The following FAM135B variants were observed in gnomAD, a reference collection of about 807,000 sequenced individuals.
The protein encoded by FAM135B is family with sequence similarity 135 member B, also known as protein FAM135B.
A neutral mutation model predicts 127.7 loss-of-function variants in FAM135B; 43 were observed. That is an observed-to-expected ratio of 0.34 (90% CI 0.26 to 0.43). FAM135B has a LOEUF of 0.43. Among genes scored for constraint, FAM135B ranks in the 20% least tolerant of loss-of-function variants. The probability of loss-of-function intolerance (pLI) is 1.00; values close to 1 mark genes in which losing one functional copy is unlikely to be tolerated. For synonymous variants in FAM135B, 670 were observed against 665.1 expected (o/e 1.01, Z -0.11); for missense variants, 1,558 against 1,725.6 (o/e 0.90, Z 1.72).
chr8:138,171,843 A>G (rs111866631), intron 11 of FAM135B, among the ~76,000 whole-genome samples: 1,782 of 152,234 alleles, frequency 0.012, 25 homozygotes, highest in African/African-American at 0.037. Context: ...GTATGCAGGC[A>G]TGTGGTTACG....
At chr8:138,494,365 G>T (rs1366908502) in intron 1 of FAM135B, among the ~76,000 whole-genome samples, 1 of 152,228 alleles carries the variant, frequency 6.6e-6, no homozygotes, top group Non-Finnish European at 1.5e-5. Flanking sequence ...GTCAGATAGG[G>T]AGAGGCACCT....
chr8:138,342,209 T>C (rs1442536038), intron 2 of FAM135B, among the ~76,000 whole-genome samples: 1 of 152,210 alleles, frequency 6.6e-6, no homozygotes, highest in African/African-American at 2.4e-5. Flanking sequence ...ACCCTTCAGC[T>C]AGAGTGAGAC....
chr8:138,298,663 A>G (rs1193173399), intron 3 of FAM135B, among the ~76,000 whole-genome samples: 1 of 152,214 alleles, frequency 6.6e-6, no homozygotes, highest in Non-Finnish European at 1.5e-5. Context: ...ATACAATAAT[A>G]TAATAGTGAC....
At chr8:138,168,103 C>A (rs2130904935) in intron 11 of FAM135B, 54 bp from the exon 12 acceptor site, 1 of 1,534,972 alleles carries the variant, frequency 6.5e-7, no homozygotes, top group Non-Finnish European at 8.8e-7. Flanking sequence ...GGTTTCCAAA[C>A]CGTTGCCCCC....
At chr8:138,163,079 C>A (rs759222970) in intron 12 of FAM135B, among the ~76,000 whole-genome samples, 3 of 152,196 alleles carry the variant, frequency 2.0e-5, no homozygotes, top group Non-Finnish European at 2.9e-5. Flanking sequence ...GATTTAGAGT[C>A]AAATACTAAT....
chr8:138,462,670 T>C (rs1180045406), intron 1 of FAM135B, among the ~76,000 whole-genome samples: 7 of 152,224 alleles, frequency 4.6e-5, no homozygotes, highest in Non-Finnish European at 1.5e-5. Flanking sequence ...AGGAGTTTTC[T>C]GTTCAACATC....
intron 5 of FAM135B, among the ~76,000 whole-genome samples, chr8:138,253,034 C>T (rs867385908): frequency 1.3e-5 from 2 of 152,164 alleles, no homozygotes; most frequent in South Asian, 2.1e-4. Flanking sequence ...TTCCTAACCT[C>T]AAGTGATCCT....
At chr8:138,147,668 A>G (rs1817762686) in intron 14 of FAM135B, among the ~76,000 whole-genome samples, 1 of 152,188 alleles carries the variant, frequency 6.6e-6, no homozygotes, top group African/African-American at 2.4e-5. Flanking sequence ...TGTGGTTTTC[A>G]TGACTTGTTG....
intron 9 of FAM135B, among the ~76,000 whole-genome samples, chr8:138,190,882 C>A (rs557360268): frequency 1.2e-4 from 19 of 152,274 alleles, no homozygotes; most frequent in African/African-American, 3.4e-4. Context: ...CCTTGCTCCC[C>A]CAGCTTTGAG....
intron 1 of FAM135B, among the ~76,000 whole-genome samples, chr8:138,442,393 G>T (rs1487162373): frequency 2.6e-5 from 4 of 151,074 alleles, no homozygotes; most frequent in African/African-American, 9.7e-5. Flanking sequence ...TAATGAGCAC[G>T]TACTACTATG....
chr8:138,413,170 G>T (rs766671286), intron 1 of FAM135B, among the ~76,000 whole-genome samples: 16 of 152,088 alleles, frequency 1.1e-4, no homozygotes, highest in Non-Finnish European at 1.9e-4. Flanking sequence ...GCAGTTCAGT[G>T]AACAAGTTTC....
chr8:138,259,713 C>T (rs964253823), intron 4 of FAM135B, among the ~76,000 whole-genome samples: 17 of 152,096 alleles, frequency 1.1e-4, no homozygotes, highest in African/African-American at 2.7e-4. Context: ...TTTAGATAAA[C>T]GCCTTCTCTA....
intron 4 of FAM135B, among the ~76,000 whole-genome samples, chr8:138,261,230 A>T (rs1822515036): frequency 6.6e-6 from 1 of 151,990 alleles, no homozygotes; most frequent in Admixed American, 6.5e-5. Flanking sequence ...TGCATTTTGT[A>T]TGAGTACTGC....
chr8:138,495,696 G>C (rs1815365829), intron 1 of FAM135B, among the ~76,000 whole-genome samples: 1 of 152,134 alleles, frequency 6.6e-6, no homozygotes, highest in South Asian at 2.1e-4. Flanking sequence ...GCTGATCTGA[G>C]TTTGTAATCA....
At chr8:138,268,502 T>C (rs1252469780) in intron 3 of FAM135B, among the ~76,000 whole-genome samples, 2 of 152,190 alleles carry the variant, frequency 1.3e-5, no homozygotes, top group African/African-American at 4.8e-5. Flanking sequence ...GGGCATCGCA[T>C]AGAACAGGTG....
intron 1 of FAM135B, among the ~76,000 whole-genome samples, chr8:138,406,194 T>C (rs1349769055): frequency 6.6e-6 from 1 of 151,986 alleles, no homozygotes; most frequent in African/African-American, 2.4e-5. Flanking sequence ...TAGTTTCTTT[T>C]GCTGTGCAGA....
At chr8:138,259,034 G>A (rs888504523) in intron 4 of FAM135B, among the ~76,000 whole-genome samples, 8 of 152,128 alleles carry the variant, frequency 5.3e-5, no homozygotes, top group African/African-American at 1.9e-4. Context: ...ATTTAATGTG[G>A]ATAAAACTAT....
chr8:138,423,933 A>T (rs1834683463), intron 1 of FAM135B, among the ~76,000 whole-genome samples: 1 of 152,196 alleles, frequency 6.6e-6, no homozygotes, highest in African/African-American at 2.4e-5. Context: ...AAAAGAATTC[A>T]GCCATATTTC....
chr8:138,386,333 A>T (rs946225150), intron 1 of FAM135B, among the ~76,000 whole-genome samples: 2 of 152,204 alleles, frequency 1.3e-5, no homozygotes, highest in Non-Finnish European at 2.9e-5. Context: ...ATTGATGCTG[A>T]AGGAGAGAAG....
Sources: allele counts gnomAD v4.1 joint callset (sites outside exome capture counted in the v4.1 genomes callset), GRCh38; gene constraint gnomAD v4.1.1; transcripts MANE v1.5; gene names NCBI Gene and HGNC (gene_info 2026-07-23, HGNC 2026-07-21).